The following PDZD2 variants were observed in gnomAD, a reference collection of about 807,000 sequenced individuals.
PDZD2 encodes the protein PDZ domain-containing protein 2.
PDZD2 carries 90 observed loss-of-function variants against 220.7 expected under a neutral mutation model. The observed-to-expected ratio is 0.41, with a 90% CI of 0.34 to 0.49. The LOEUF (loss-of-function observed/expected upper bound fraction) is 0.49, where lower values mean the gene tolerates loss of function less well. Among genes scored for constraint, PDZD2 ranks in the 20% least tolerant of loss-of-function variants. The pLI, the probability that PDZD2 is intolerant of heterozygous loss-of-function variation, is 0.28. For missense variants in PDZD2, 3,174 were observed against 3,608.5 expected (o/e 0.88, Z 3.08); for synonymous variants, 1,375 against 1,450.5 (o/e 0.95, Z 1.18).
chr5:32,105,371 A>G (rs969921216), intron 24 of PDZD2, among the ~76,000 whole-genome samples: 3 of 152,226 alleles, frequency 2.0e-5, no homozygotes, highest in South Asian at 2.1e-4. Context: ...AAAATAAAAA[A>G]TCTCATACTA....
intron 15 of PDZD2, 45 bp from the exon 16 acceptor site, chr5:32,071,339 T>G: frequency 2.6e-4 from 366 of 1,399,524 alleles, no homozygotes; most frequent in Non-Finnish European, 3.4e-4. Flanking sequence ...ATTTGTGACT[T>G]GAGCTTTATT....
intron 8 of PDZD2, among the ~76,000 whole-genome samples, chr5:32,049,786 C>T (rs182348066): frequency 3.9e-5 from 6 of 152,244 alleles, no homozygotes; most frequent in Admixed American, 6.5e-5. Context: ...ACTTGAGGGG[C>T]ATTGGGGCAT....
chr5:32,107,450 T>C (rs1243557974), intron 24 of PDZD2: 1 of 152,226 alleles, frequency 6.6e-6, no homozygotes. Flanking sequence ...GCAGCTACTC[T>C]GAAGGCTGAG....
At position 31,785,990 on chromosome 5, in the gene PDZD2, C is replaced by T. The variant is rs999171826; in HGVS notation, c.-360-12899C>T. ...AGGGACTCGGGGTTAGTATATTCGC[C>T]TACCTCCTCCGAAATCTTTCCTTCT... On this transcript the variant is annotated intron_variant, in intron 1 of 24. Coordinates refer to ENST00000438447, the MANE Select transcript of PDZD2 (RefSeq NM_178140.4). Among the ~76,000 whole-genome samples, 3 of 152,138 alleles carry T rather than the reference C, an allele frequency of 2.0e-5. No individual in the cohort carries two copies. In the East Asian group the frequency reaches 5.8e-4, roughly 29 times the overall value.
At chr5:31,694,778 T>G (rs1272981309) in intron 1 of PDZD2, among the ~76,000 whole-genome samples, 4 of 144,400 alleles carry the variant, frequency 2.8e-5, no homozygotes, top group African/African-American at 1.0e-4. Context: ...TCCTGGATTT[T>G]ATTTTATTTT....
chr5:31,692,487 G>A (rs1362160353), intron 1 of PDZD2, among the ~76,000 whole-genome samples: 2 of 152,246 alleles, frequency 1.3e-5, no homozygotes, highest in Admixed American at 6.5e-5. Context: ...TGCCGAGAGC[G>A]AGCGAGGGCT....
At chr5:31,786,736 GA>G (rs1345657194) in intron 1 of PDZD2, among the ~76,000 whole-genome samples, 2 of 152,178 alleles carry the variant, frequency 1.3e-5, no homozygotes, top group African/African-American at 4.8e-5. Flanking sequence ...GGCAGGTAAG[GA>G]AACTGAGGCT....
chr5:31,679,480 T>G (rs1746570209), intron 1 of PDZD2, among the ~76,000 whole-genome samples: 1 of 151,960 alleles, frequency 6.6e-6, no homozygotes, highest in Admixed American at 6.6e-5. Context: ...TTGTGGTGTG[T>G]TGTGTTGAGT....
At chr5:31,800,154 A>T (rs1039058537) in intron 2 of PDZD2, among the ~76,000 whole-genome samples, 2 of 152,148 alleles carry the variant, frequency 1.3e-5, no homozygotes, top group Non-Finnish European at 2.9e-5. Context: ...GGGCCCCAAG[A>T]CCGTTCTCAG....
chr5:31,895,645 T>C (rs1210009908), intron 2 of PDZD2, among the ~76,000 whole-genome samples: 11 of 152,116 alleles, frequency 7.2e-5, no homozygotes, highest in Admixed American at 7.2e-4. Flanking sequence ...GCTGATAGAG[T>C]GACTTTAAAT....
rs746492714 is a variant in PDZD2 at position 32,090,493 on chromosome 5, G to C, written c.7045G>C (p.Asp2349His). Residue 2349 changes from aspartate (D) to histidine (H), a missense_variant, in exon 20 of 25, where the codon GAC becomes CAC. This residue lies in a region of PDZD2 where 631 missense variants were observed against 789.9 expected (regional missense o/e 0.80). Transcript: ENST00000438447. The surrounding 1 kb of genome is among the most constrained non-coding windows in gnomAD (Gnocchi z 4.3). ...GTCTTTTGAGAACCTGGCCAATGCT[G>C]ACCGGCCTGTAGCCAAGTCCGGGGC... Reference protein sequence around the residue: ...IKSFENLANADRPVAKSGASP... With the variant: ...IKSFENLANAHRPVAKSGASP... 1.2e-6 allele frequency: 2 copies of C among 1,614,020 alleles called. No individual in the cohort carries two copies. The highest frequency in any genetic ancestry group is 1.7e-6 in the Non-Finnish European group (2 of 1,180,024).
At chr5:31,757,762 G>A (rs1751383539) in intron 1 of PDZD2, among the ~76,000 whole-genome samples, 1 of 152,134 alleles carries the variant, frequency 6.6e-6, no homozygotes, top group Admixed American at 6.5e-5. Context: ...ATGGGCTCAG[G>A]ACAAGTCAAA....
chr5:31,747,167 T>C (rs1750652337), intron 1 of PDZD2, among the ~76,000 whole-genome samples: 2 of 152,128 alleles, frequency 1.3e-5, no homozygotes, highest in South Asian at 4.2e-4. Context: ...AGAGCAAGAC[T>C]CCATCTCAAA....
At chr5:31,880,780 C>CT (rs1177280477) in intron 2 of PDZD2, among the ~76,000 whole-genome samples, 12 of 42,760 alleles carry the variant, frequency 2.8e-4, no homozygotes, top group East Asian at 1.0e-3. Context: ...AGGTAGCTTT[C>CT]TTTTTTTTTT....
chr5:31,914,359 G>A (rs1042552504), intron 2 of PDZD2, among the ~76,000 whole-genome samples: 14 of 152,102 alleles, frequency 9.2e-5, no homozygotes, highest in Admixed American at 4.6e-4. Flanking sequence ...GTGAAACCCC[G>A]TCTCTACTAA....
chr5:32,015,783 G>T (rs1376055928), intron 6 of PDZD2, among the ~76,000 whole-genome samples: 1 of 151,272 alleles, frequency 6.6e-6, no homozygotes, highest in East Asian at 1.9e-4. Context: ...AAGAGTTTCA[G>T]TATAATAGGG....
intron 2 of PDZD2, among the ~76,000 whole-genome samples, chr5:31,808,897 T>A (rs1754904972): frequency 6.6e-6 from 1 of 151,892 alleles, no homozygotes; most frequent in South Asian, 2.1e-4. Flanking sequence ...GGAGAATCGC[T>A]TGAACTGGGA....
rs1010202943 is a variant in PDZD2, at chr5:31,960,169, T to G, written c.477-22986T>G. ...GTTCAACCTAGATGCTTGCTTGCTT[T>G]CTTTTCTTTCCTTCCTTCCTTTTCT... On this transcript the variant is annotated intron_variant, in intron 2 of 24. Coordinates refer to ENST00000438447, the MANE Select transcript of PDZD2 (RefSeq NM_178140.4). 1.4e-4 allele frequency among the ~76,000 whole-genome samples: 21 copies of G among 152,086 alleles called. 1 individual carries two copies. Among genetic ancestry groups the G allele is most frequent in the African/African-American group, 3.6e-4 (15 of 41,444 alleles).
intron 2 of PDZD2, among the ~76,000 whole-genome samples, chr5:31,897,903 A>AT (rs1240023025): frequency 1.3e-5 from 2 of 151,896 alleles, no homozygotes; most frequent in Non-Finnish European, 2.9e-5. Flanking sequence ...CATCTGGCTA[A>AT]TTTTTTTGTA....
Sources: allele counts gnomAD v4.1 joint callset (sites outside exome capture counted in the v4.1 genomes callset), GRCh38; gene constraint gnomAD v4.1.1; regional missense constraint gnomAD v4.1.1; non-coding constraint Gnocchi (gnomAD v3.1); transcripts MANE v1.5; gene names NCBI Gene and HGNC (gene_info 2026-07-23, HGNC 2026-07-21).